Variants in TUSC3 observed in about 807,000 individuals in gnomAD.
TUSC3 encodes dolichyl-diphosphooligosaccharide--protein glycosyltransferase subunit TUSC3.
TUSC3 carries 45 observed loss-of-function variants against 44.8 expected under a neutral mutation model. That is an observed-to-expected ratio of 1.00 (90% CI 0.79 to 1.29). TUSC3 has a LOEUF of 1.29. Among genes scored for constraint, TUSC3 ranks in the 50% most tolerant of loss-of-function variants. The pLI is 0.00. For synonymous variants in TUSC3, 212 were observed against 152.9 expected, an observed-to-expected ratio of 1.39 and a Z score of -2.85; for missense variants, 519 against 437.9, an observed-to-expected ratio of 1.19 and a Z score of -1.65.
At chr8:15,571,011 C>T (rs1166082594) in intron 1 of TUSC3, among the ~76,000 whole-genome samples, 1 of 99,170 alleles carries the variant, frequency 1.0e-5, no homozygotes, top group African/African-American at 3.5e-5. Context: ...GGCTGAAGTG[C>T]AGTGATATGA....
At chr8:15,743,438 A>G (rs1465933933) in intron 7 of TUSC3, 100 bp from the exon 8 acceptor site, 3 of 1,173,506 alleles carry the variant, frequency 2.6e-6, no homozygotes, top group Non-Finnish European at 2.6e-6. Flanking sequence ...CTCTGTGTGC[A>G]TTTGTAGTTT....
intron 1 of TUSC3, among the ~76,000 whole-genome samples, chr8:15,464,287 A>G (rs1205783218): frequency 6.6e-6 from 1 of 152,184 alleles, no homozygotes; most frequent in African/African-American, 2.4e-5. Flanking sequence ...CAAGAATGAA[A>G]CAAGGATGAA....
At chr8:15,614,720 T>A (rs1438184383) in intron 1 of TUSC3, among the ~76,000 whole-genome samples, 2 of 152,142 alleles carry the variant, frequency 1.3e-5, no homozygotes, top group African/African-American at 4.8e-5. Context: ...TTCATGACAT[T>A]TAAATTTAAA....
chr8:15,575,962 G>C (rs1015645598), intron 1 of TUSC3, among the ~76,000 whole-genome samples: 4 of 121,854 alleles, frequency 3.3e-5, no homozygotes, highest in Non-Finnish European at 6.0e-5. Context: ...ATAATATATT[G>C]TGAATTGATA....
At chr8:15,659,089 T>C (rs1030914796) in intron 3 of TUSC3, among the ~76,000 whole-genome samples, 1 of 152,160 alleles carries the variant, frequency 6.6e-6, no homozygotes. Context: ...CATAATATGC[T>C]TATTTTTTAA....
the TUSC3 span, among the ~76,000 whole-genome samples, chr8:15,839,440 C>A: frequency 2.6e-5 from 4 of 152,118 alleles, no homozygotes; most frequent in Admixed American, 1.3e-4. Flanking sequence ...GAACAGGCAA[C>A]CCACAGAATG....
chr8:15,799,562 C>G, the TUSC3 span, among the ~76,000 whole-genome samples: 3 of 152,272 alleles, frequency 2.0e-5, no homozygotes, highest in South Asian at 6.2e-4. Flanking sequence ...CCCAGTTTTT[C>G]CTCGTCAGTG....
intron 2 of TUSC3, among the ~76,000 whole-genome samples, chr8:15,509,817 A>G (rs1699765802): frequency 1.3e-5 from 2 of 152,190 alleles, no homozygotes; most frequent in Admixed American, 6.5e-5. Context: ...ATGTGAATCT[A>G]TGAGGAGACT....
chr8:15,564,625 C>G (rs770534981), intron 1 of TUSC3, among the ~76,000 whole-genome samples: 5 of 152,032 alleles, frequency 3.3e-5, no homozygotes, highest in Non-Finnish European at 7.4e-5. Context: ...TGTGCCAGAC[C>G]TGTTTACCGT....
In TUSC3 at chr8:15,743,623, G is replaced by T. The variant is rs371792364; in HGVS notation, c.937+11G>T. ...TTGGAAAAAGACGGAGTAAGTCTCT[G>T]TGTTGCCATTTTTGTAATTTCGTTT... On this transcript the variant is annotated intron_variant, in intron 8 of 10. Transcript: ENST00000503731. The T allele has an allele frequency of 6.2e-7, 1 of 1,613,808 alleles. No individual in the cohort carries two copies. Among genetic ancestry groups the T allele is most frequent in the Non-Finnish European group, 8.5e-7 (1 of 1,179,748 alleles).
the TUSC3 span, among the ~76,000 whole-genome samples, chr8:15,788,185 T>C: frequency 3.9e-5 from 6 of 152,190 alleles, no homozygotes; most frequent in Non-Finnish European, 7.3e-5. Context: ...GTTTAGACCT[T>C]GACCACTAAT....
At chr8:15,725,088 T>G (rs892101779) in intron 6 of TUSC3, among the ~76,000 whole-genome samples, 20 of 152,306 alleles carry the variant, frequency 1.3e-4, no homozygotes, top group African/African-American at 4.8e-4. Context: ...AAATAAGTTA[T>G]AATTTTAAAA....
the TUSC3 span, among the ~76,000 whole-genome samples, chr8:15,836,588 T>C: frequency 2.0e-5 from 3 of 152,156 alleles, no homozygotes; most frequent in Non-Finnish European, 2.9e-5. Context: ...TTTAAAATTT[T>C]AAATACTTTT....
At chr8:15,768,981 G>T (rs998085864), downstream of TUSC3, among the ~76,000 whole-genome samples, 48 of 152,104 alleles carry the variant, frequency 3.2e-4, no homozygotes, top group African/African-American at 1.1e-3. Context: ...GATGAATATC[G>T]TGAAAATGGC....
chr8:15,753,309 A>G (rs1385870537), intron 9 of TUSC3, among the ~76,000 whole-genome samples: 1 of 152,038 alleles, frequency 6.6e-6, no homozygotes, highest in African/African-American at 2.4e-5. Context: ...ACTGTCATTT[A>G]ATCGTTTTCC....
At chr8:15,483,797 A>G (rs1800698450) in intron 2 of TUSC3, among the ~76,000 whole-genome samples, 1 of 151,464 alleles carries the variant, frequency 6.6e-6, no homozygotes, top group Non-Finnish European at 1.5e-5. Flanking sequence ...CTGGGACTAC[A>G]GGCGCCAGCC....
intron 6 of TUSC3, among the ~76,000 whole-genome samples, chr8:15,698,830 A>G (rs1809277207): frequency 6.7e-6 from 1 of 150,374 alleles, no homozygotes; most frequent in Admixed American, 6.6e-5. Flanking sequence ...TTCTGAAAGC[A>G]TGGACCATTC....
At chr8:15,498,152 T>C (rs112936714) in intron 2 of TUSC3, among the ~76,000 whole-genome samples, 2 of 152,260 alleles carry the variant, frequency 1.3e-5, no homozygotes, top group African/African-American at 4.8e-5. Context: ...AGATGTAAAA[T>C]TGCTGGGATA....
In TUSC3 at chr8:15,650,863, G is replaced by C. The variant is rs760998731; in HGVS notation, c.426+49G>C. ...ATATTTAACATAGTTGTTTGTGGTC[G>C]ATACATTTTTGTTTGTCACATAAAA... On this transcript the variant is annotated intron_variant, in intron 3 of 10. Transcript: ENST00000503731. 9 of 1,570,972 alleles carry C rather than the reference G, an allele frequency of 5.7e-6. No individual in the cohort carries two copies. In the Middle Eastern group the frequency reaches 5.0e-4, roughly 87 times the overall value.
Sources: gnomAD v4.1 joint callset for allele counts (sites outside exome capture counted in the v4.1 genomes callset) on GRCh38, gnomAD v4.1.1 for gene constraint, MANE v1.5 for transcripts, NCBI Gene and HGNC (gene_info 2026-07-23, HGNC 2026-07-21) for gene names.